The following STK39 variants were observed in gnomAD, a reference collection of about 807,000 sequenced individuals.
The protein encoded by STK39 is serine/threonine kinase 39.
STK39 carries 20 observed loss-of-function variants against 77.8 expected under a neutral mutation model. That is an observed-to-expected ratio of 0.26 (90% confidence interval 0.18 to 0.37). The LOEUF is 0.37. STK39 is among the 10% of genes least tolerant of loss of function. STK39 has a pLI of 1.00. For missense variants in STK39, 479 were observed against 656.5 expected (o/e 0.73, Z 2.95); for synonymous variants, 246 against 234.1 (o/e 1.05, Z -0.47).
At chr2:168,121,881 G>T (rs1449749248) in intron 10 of STK39, among the ~76,000 whole-genome samples, 1 of 152,184 alleles carries the variant, frequency 6.6e-6, no homozygotes, top group Non-Finnish European at 1.5e-5. Flanking sequence ...TGCCTTACAG[G>T]TTAGGCTCAG....
At chr2:168,230,463 G>A (rs760158477) in intron 1 of STK39, among the ~76,000 whole-genome samples, 10 of 152,164 alleles carry the variant, frequency 6.6e-5, no homozygotes, top group South Asian at 2.1e-4. Flanking sequence ...CCCAACACGC[G>A]AGCGAGACCA....
At chr2:168,055,419 T>C (rs543174630) in intron 14 of STK39, among the ~76,000 whole-genome samples, 36 of 152,332 alleles carry the variant, frequency 2.4e-4, no homozygotes, top group African/African-American at 8.2e-4. Flanking sequence ...TAAATTGAAG[T>C]ATGCAACAAT....
intron 1 of STK39, among the ~76,000 whole-genome samples, chr2:168,201,752 C>T (rs929661549): frequency 6.6e-6 from 1 of 152,074 alleles, no homozygotes; most frequent in African/African-American, 2.4e-5. Flanking sequence ...AAAACCACCC[C>T]CCTTCTAATC....
chr2:168,145,788 G>C (rs1019280922), intron 5 of STK39, among the ~76,000 whole-genome samples: 1 of 152,098 alleles, frequency 6.6e-6, no homozygotes, highest in African/African-American at 2.4e-5. Context: ...GATAGCACTC[G>C]ACTCAGGATG....
At chr2:168,051,972 A>G (rs189122546) in intron 14 of STK39, among the ~76,000 whole-genome samples, 3 of 151,992 alleles carry the variant, frequency 2.0e-5, no homozygotes, top group Non-Finnish European at 2.9e-5. Flanking sequence ...CTTTTAGTGG[A>G]AAAAAAAGAA....
intron 1 of STK39, among the ~76,000 whole-genome samples, chr2:168,234,387 A>G (rs969624326): frequency 6.6e-6 from 1 of 152,230 alleles, no homozygotes. Context: ...TTAAATGTAA[A>G]TAGCCACATA....
intron 16 of STK39, among the ~76,000 whole-genome samples, chr2:167,993,265 G>T (rs1408963948): frequency 6.6e-6 from 1 of 152,216 alleles, no homozygotes; most frequent in Non-Finnish European, 1.5e-5. Flanking sequence ...ACCCCAATGT[G>T]CCTGTTCAGA....
At chr2:168,033,920 G>A (rs1684888910) in intron 14 of STK39, among the ~76,000 whole-genome samples, 1 of 152,162 alleles carries the variant, frequency 6.6e-6, no homozygotes, top group African/African-American at 2.4e-5. Context: ...GAGAAGGCAT[G>A]GACAGTGCCT....
chr2:168,167,139 A>G (rs928862946), intron 3 of STK39, among the ~76,000 whole-genome samples, 160 bp downstream of exon 3: 10 of 152,198 alleles, frequency 6.6e-5, no homozygotes, highest in Non-Finnish European at 1.2e-4. Context: ...TTGAAGGTCA[A>G]TGTGAAGCAA....
chr2:168,213,688 T>TA, intron 1 of STK39, among the ~76,000 whole-genome samples: 1 of 126,384 alleles, frequency 7.9e-6, no homozygotes. Context: ...CCAGCCATAT[T>TA]TAAAAAAAAA....
At chr2:168,202,130 C>G (rs1689626496) in intron 1 of STK39, among the ~76,000 whole-genome samples, 1 of 152,148 alleles carries the variant, frequency 6.6e-6, no homozygotes, top group South Asian at 2.1e-4. Context: ...GCATCAGAAC[C>G]AACTGGGTTA....
In STK39 at chr2:168,173,874, G is replaced by A. The variant is rs188456138; in HGVS notation, c.322-6467C>T. On this transcript the variant is annotated intron_variant, in intron 2 of 17. Coordinates refer to ENST00000355999, the MANE Select transcript of STK39 (RefSeq NM_013233.3). Reference sequence around the variant, plus strand: ...ATGAATTCTTTTAATTGCAAAAAATGATATACCATTTATACAGCAAACTCT... The same window carrying A: ...ATGAATTCTTTTAATTGCAAAAAATAATATACCATTTATACAGCAAACTCT... 2.6e-3 allele frequency among the ~76,000 whole-genome samples: 395 copies of A among 152,316 alleles called. 1 individual carries two copies. Among genetic ancestry groups the A allele is most frequent in the East Asian group, 0.01 (53 of 5,182 alleles).
chr2:168,080,185 A>T (rs1686190376), intron 10 of STK39, among the ~76,000 whole-genome samples: 2 of 152,212 alleles, frequency 1.3e-5, no homozygotes, highest in Admixed American at 1.3e-4. Flanking sequence ...AGAACTTTGA[A>T]CTTGAGAGAG....
chr2:167,990,120 G>T (rs1166352966), intron 16 of STK39, among the ~76,000 whole-genome samples: 1 of 152,060 alleles, frequency 6.6e-6, no homozygotes. Context: ...TCATGACACA[G>T]GTAAGGAGGA....
intron 1 of STK39, among the ~76,000 whole-genome samples, chr2:168,214,008 G>GA (rs1240636305): frequency 6.6e-6 from 1 of 152,054 alleles, no homozygotes; most frequent in African/African-American, 2.4e-5. Flanking sequence ...ATGTTGTGTG[G>GA]AAAAAGGCAG....
At chr2:168,003,048 A>G (rs555139370) in intron 16 of STK39, among the ~76,000 whole-genome samples, 1 of 152,294 alleles carries the variant, frequency 6.6e-6, no homozygotes, top group East Asian at 1.9e-4. Context: ...CAGTGGCACA[A>G]TCTTGGCTCA....
intron 5 of STK39, among the ~76,000 whole-genome samples, chr2:168,151,552 C>T (rs3820875): frequency 0.42 from 63,383 of 151,630 alleles, 14,891 homozygotes; most frequent in East Asian, 0.67. Flanking sequence ...CTAGCTAACA[C>T]GGTGAAACCC....
At chr2:168,185,278 A>G (rs1689179338) in intron 1 of STK39, among the ~76,000 whole-genome samples, 1 of 152,178 alleles carries the variant, frequency 6.6e-6, no homozygotes, top group Admixed American at 6.5e-5. Context: ...ATTCAATAGG[A>G]TTATGGCCTG....
chr2:168,112,941 C>G (rs1687158268), intron 10 of STK39: 2 of 152,204 alleles, frequency 1.3e-5, no homozygotes, highest in Non-Finnish European at 2.9e-5. Context: ...GCTCTGGCCA[C>G]TGGGTGGGAA....
Sources: allele counts gnomAD v4.1 joint callset (sites outside exome capture counted in the v4.1 genomes callset), GRCh38; gene constraint gnomAD v4.1.1; transcripts MANE v1.5; gene names NCBI Gene and HGNC (gene_info 2026-07-23, HGNC 2026-07-21).